The following RNFT2 variants were observed in gnomAD, a reference collection of about 807,000 sequenced individuals.
The protein encoded by RNFT2 is ring finger protein, transmembrane 2, also known as E3 ubiquitin-protein ligase RNFT2.
A neutral mutation model predicts 53.0 loss-of-function variants in RNFT2; 36 were observed. The observed-to-expected ratio is 0.68, with a 90% confidence interval of 0.52 to 0.90. The LOEUF is 0.90. RNFT2 is among the 40% of genes least tolerant of loss of function. The pLI, the probability that RNFT2 is intolerant of heterozygous loss-of-function variation, is 0.00. For missense variants in RNFT2, 514 were observed against 585.6 expected, an observed-to-expected ratio of 0.88 and a Z score of 1.26; for synonymous variants, 260 against 253.2, an observed-to-expected ratio of 1.03 and a Z score of -0.26.
intron 7 of RNFT2, among the ~76,000 whole-genome samples, chr12:116,830,254 C>A (rs867475369): frequency 6.6e-6 from 1 of 152,062 alleles, no homozygotes; most frequent in African/African-American, 2.4e-5. Context: ...TTGCCAGTTG[C>A]CCCATTGACA....
chr12:116,800,959 TG>T (rs773545208), intron 7 of RNFT2: 4 of 152,174 alleles, frequency 2.6e-5, no homozygotes, highest in Non-Finnish European at 5.9e-5. Context: ...TCAGCTTGAC[TG>T]GGTGACAATA....
chr12:116,747,988 CA>C (rs1467801432), intron 3 of RNFT2, among the ~76,000 whole-genome samples: 3 of 152,054 alleles, frequency 2.0e-5, no homozygotes, highest in African/African-American at 7.2e-5. Context: ...GTCAGGAGTT[CA>C]ATACCAGCCT....
At chr12:116,807,438 C>T (rs1429306483) in intron 7 of RNFT2, among the ~76,000 whole-genome samples, 1 of 152,158 alleles carries the variant, frequency 6.6e-6, no homozygotes, top group African/African-American at 2.4e-5. Flanking sequence ...TCATTTCATT[C>T]TCACAACAAT....
intron 7 of RNFT2, among the ~76,000 whole-genome samples, chr12:116,795,484 T>C (rs116673785): frequency 0.039 from 5,932 of 152,006 alleles, 184 homozygotes; most frequent in African/African-American, 0.076. Context: ...CTGTCTAATA[T>C]AGTAGCTACA....
chr12:116,740,573 G>T (rs1871558970), intron 2 of RNFT2, 52 bp downstream of exon 2: 1 of 1,530,908 alleles, frequency 6.5e-7, no homozygotes, highest in South Asian at 1.2e-5. Flanking sequence ...GATTAAATGT[G>T]AGAGCTGGAA....
intron 7 of RNFT2, among the ~76,000 whole-genome samples, chr12:116,779,870 T>C (rs1364466990): frequency 1.3e-5 from 2 of 152,040 alleles, no homozygotes; most frequent in African/African-American, 2.4e-5. Flanking sequence ...CAGGCAGGTG[T>C]TGGAATGAAG....
chr12:116,753,822 T>C (rs1180654036), intron 4 of RNFT2, among the ~76,000 whole-genome samples, 162 bp from the exon 5 acceptor site: 1 of 152,204 alleles, frequency 6.6e-6, no homozygotes, highest in Non-Finnish European at 1.5e-5. Flanking sequence ...GAGATTTAGA[T>C]GGCAGCCCAA....
At chr12:116,793,488 C>G (rs1452786192) in intron 7 of RNFT2, among the ~76,000 whole-genome samples, 2 of 151,952 alleles carry the variant, frequency 1.3e-5, no homozygotes, top group African/African-American at 4.8e-5. Context: ...GTGCCTGGTC[C>G]AGAAAACTTC....
intron 5 of RNFT2, among the ~76,000 whole-genome samples, chr12:116,766,546 A>G (rs1872920859): frequency 6.6e-6 from 1 of 152,226 alleles, no homozygotes; most frequent in Non-Finnish European, 1.5e-5. Flanking sequence ...AATGTGTGCC[A>G]TGCTGCTCTG....
chr12:116,750,839 TTA>T (rs1471829051), intron 4 of RNFT2, among the ~76,000 whole-genome samples: 1,006 of 7,686 alleles, frequency 0.13, 40 homozygotes, highest in Admixed American at 0.19. Flanking sequence ...AATATATATA[TTA>T]TATATATATA....
chr12:116,738,415 C>T, intron 1 of RNFT2, 45 bp downstream of exon 1: 1 of 152,100 alleles, frequency 6.6e-6, no homozygotes, highest in East Asian at 1.9e-4. Context: ...CCATCATGGT[C>T]TGTGTAGTCT....
At chr12:116,790,986 A>G (rs560630198) in intron 7 of RNFT2, among the ~76,000 whole-genome samples, 1 of 152,368 alleles carries the variant, frequency 6.6e-6, no homozygotes, top group East Asian at 1.9e-4. Flanking sequence ...AACAATAAAA[A>G]TAAACCATTA....
At chr12:116,746,872 C>A (rs931542528) in intron 3 of RNFT2, among the ~76,000 whole-genome samples, 2 of 152,026 alleles carry the variant, frequency 1.3e-5, no homozygotes, top group African/African-American at 4.8e-5. Flanking sequence ...TACAGTCAGC[C>A]CTCCATATTC....
intron 1 of RNFT2, among the ~76,000 whole-genome samples, chr12:116,740,086 A>C (rs918493777): frequency 1.3e-5 from 2 of 151,906 alleles, no homozygotes; most frequent in African/African-American, 4.8e-5. Flanking sequence ...CATGCCTGTA[A>C]GCCTGTAATT....
intron 6 of RNFT2, among the ~76,000 whole-genome samples, chr12:116,767,196 A>C (rs548402971): frequency 2.4e-4 from 36 of 152,222 alleles, no homozygotes; most frequent in Non-Finnish European, 5.0e-4. Flanking sequence ...AGTATATCAA[A>C]AATATTTGTT....
intron 4 of RNFT2, among the ~76,000 whole-genome samples, chr12:116,750,574 T>G (rs867907457): frequency 6.6e-6 from 1 of 151,682 alleles, no homozygotes; most frequent in Admixed American, 6.6e-5. Context: ...GCTGGTTGGC[T>G]GGTGTAAAGG....
intron 7 of RNFT2, among the ~76,000 whole-genome samples, chr12:116,790,308 G>A (rs746991284): frequency 1.3e-5 from 2 of 152,188 alleles, no homozygotes; most frequent in South Asian, 4.1e-4. Flanking sequence ...CCAGCTACAT[G>A]CCCCACTCTG....
intron 3 of RNFT2, among the ~76,000 whole-genome samples, chr12:116,747,962 G>A (rs1417206048): frequency 3.3e-5 from 5 of 152,072 alleles, no homozygotes; most frequent in Admixed American, 6.6e-5. Context: ...AGGCCGAGGC[G>A]GGCAGATCAC....
chr12:116,775,762 G>C (rs1459489966), intron 6 of RNFT2, among the ~76,000 whole-genome samples: 1 of 152,214 alleles, frequency 6.6e-6, no homozygotes, highest in Non-Finnish European at 1.5e-5. Flanking sequence ...TCATAATTAG[G>C]CTGGGCACAG....
Sources: gnomAD v4.1 joint callset for allele counts (sites outside exome capture counted in the v4.1 genomes callset) on GRCh38, gnomAD v4.1.1 for gene constraint, MANE v1.5 for transcripts, NCBI Gene and HGNC (gene_info 2026-07-23, HGNC 2026-07-21) for gene names.